The following VTI1A variants were observed in gnomAD, a reference collection of about 807,000 sequenced individuals.
VTI1A encodes the protein vesicle transport through interaction with t-SNAREs homolog 1A.
In VTI1A, 22 loss-of-function variants were observed where a neutral mutation model predicts 34.9. The observed-to-expected ratio is 0.63, with a 90% CI of 0.45 to 0.90. The LOEUF is 0.90. Ranked by LOEUF, VTI1A falls within the 40% of genes least tolerant of loss-of-function variation. VTI1A has a pLI of 0.00. For synonymous variants in VTI1A, 87 were observed against 97.3 expected (o/e 0.89, Z 0.62); for missense variants, 268 against 275.6 (o/e 0.97, Z 0.20).
intron 7 of VTI1A, among the ~76,000 whole-genome samples, chr10:112,763,836 A>G (rs1046935125): frequency 3.3e-5 from 5 of 152,086 alleles, no homozygotes; most frequent in African/African-American, 1.2e-4. Flanking sequence ...GCCCACCACC[A>G]TATAACACGA....
the VTI1A span, among the ~76,000 whole-genome samples, chr10:112,842,051 C>CT: frequency 0.021 from 1,389 of 66,672 alleles, 83 homozygotes; most frequent in Non-Finnish European, 0.024. Context: ...TTTTTTTTTC[C>CT]TTTTTTTTTT....
At position 112,816,895 on chromosome 10, in the gene VTI1A, C is replaced by G. The variant is rs1023646999; in HGVS notation, c.*1512C>G. ...AATCCACCAGAGAAATTGCACTTAT[C>G]GAAACAGGCCAAGGCCTGCATGTGT... On this transcript the variant is annotated 3_prime_UTR_variant, in exon 8 of 8. Transcript: ENST00000393077. The G allele has an allele frequency of 8.7e-6, 2 of 230,286 alleles. No individual in the cohort carries two copies. The highest frequency in any genetic ancestry group is 5.7e-5 in the Admixed American group (1 of 17,678). The allele number at this position is 230,286 out of a possible 1,614,324, so 14.3% of individuals were successfully genotyped here. A position where few individuals can be genotyped will look rare whatever the true frequency, so the allele number is the denominator to read the frequency against.
intron 7 of VTI1A, among the ~76,000 whole-genome samples, chr10:112,719,452 T>C (rs1196584936): frequency 6.6e-6 from 1 of 152,236 alleles, no homozygotes; most frequent in Non-Finnish European, 1.5e-5. Context: ...AGATATAATT[T>C]ATATGTTATA....
chr10:112,600,668 T>C (rs563509686), intron 5 of VTI1A, among the ~76,000 whole-genome samples: 93 of 152,220 alleles, frequency 6.1e-4, no homozygotes, highest in Non-Finnish European at 1.1e-3. Flanking sequence ...TTGTCTTTTC[T>C]TCCCACGAGA....
At chr10:112,761,152 T>G (rs1851451890) in intron 7 of VTI1A, among the ~76,000 whole-genome samples, 1 of 152,168 alleles carries the variant, frequency 6.6e-6, no homozygotes, top group South Asian at 2.1e-4. Flanking sequence ...CCGCTGCTAT[T>G]TAACGAAGTG....
At chr10:112,658,945 C>T (rs1244686678) in intron 5 of VTI1A, among the ~76,000 whole-genome samples, 1 of 152,216 alleles carries the variant, frequency 6.6e-6, no homozygotes, top group Non-Finnish European at 1.5e-5. Context: ...CACGTAAGTC[C>T]TGTGGTCCAC....
chr10:112,784,170 G>A (rs551630261), intron 7 of VTI1A, among the ~76,000 whole-genome samples: 10 of 152,136 alleles, frequency 6.6e-5, no homozygotes, highest in Admixed American at 5.2e-4. Context: ...ACTTTATAAC[G>A]TTCAAATCTT....
intron 7 of VTI1A, among the ~76,000 whole-genome samples, chr10:112,789,139 T>C (rs1852383908): frequency 6.6e-6 from 1 of 152,234 alleles, no homozygotes; most frequent in Non-Finnish European, 1.5e-5. Flanking sequence ...CCAGTGTTCT[T>C]ATTTCCTTCC....
intron 5 of VTI1A, among the ~76,000 whole-genome samples, chr10:112,625,968 G>A (rs1845908413): frequency 6.6e-6 from 1 of 152,162 alleles, no homozygotes; most frequent in Non-Finnish European, 1.5e-5. Context: ...GCACAAAGTG[G>A]TAGATCAACA....
At chr10:112,500,683 T>A (rs80022004) in intron 3 of VTI1A, among the ~76,000 whole-genome samples, 2,569 of 152,298 alleles carry the variant, frequency 0.017, 35 homozygotes, top group Middle Eastern at 0.041. Flanking sequence ...CTGAGTTTGC[T>A]TCTCCTAGAT....
At chr10:112,690,052 A>G (rs1000207776) in intron 7 of VTI1A, among the ~76,000 whole-genome samples, 50 of 152,172 alleles carry the variant, frequency 3.3e-4, no homozygotes, top group Non-Finnish European at 4.6e-4. Flanking sequence ...TTTCATTTGC[A>G]TAGAGCTTTT....
intron 5 of VTI1A, among the ~76,000 whole-genome samples, chr10:112,551,243 CAAAAAAA>C (rs1161935841): frequency 4.5e-5 from 1 of 22,072 alleles, no homozygotes; most frequent in Non-Finnish European, 1.2e-4. Flanking sequence ...TACTCCATCT[CAAAAAAA>C]AAAAAAAAAA....
At chr10:112,584,649 T>G (rs1178384130) in intron 5 of VTI1A, among the ~76,000 whole-genome samples, 2 of 152,208 alleles carry the variant, frequency 1.3e-5, no homozygotes, top group Non-Finnish European at 2.9e-5. Context: ...GCTTCTCAGA[T>G]CAGACATTGA....
chr10:112,820,038 C>T (rs1311687751), downstream of VTI1A, among the ~76,000 whole-genome samples: 1 of 152,330 alleles, frequency 6.6e-6, no homozygotes, highest in Non-Finnish European at 1.5e-5. Flanking sequence ...GACAGATGGT[C>T]CTGCAGGAGC....
chr10:112,627,301 C>T (rs1448826188), intron 5 of VTI1A, among the ~76,000 whole-genome samples: 1 of 152,106 alleles, frequency 6.6e-6, no homozygotes, highest in Non-Finnish European at 1.5e-5. Context: ...AAATACCTTC[C>T]ATTGATCAGT....
chr10:112,481,175 A>G (rs1848447882), intron 3 of VTI1A, among the ~76,000 whole-genome samples: 1 of 152,046 alleles, frequency 6.6e-6, no homozygotes, highest in South Asian at 2.1e-4. Context: ...CTTTAATGTT[A>G]TTGTTTTAAA....
chr10:112,771,121 G>C (rs2134021856), intron 7 of VTI1A, among the ~76,000 whole-genome samples: 1 of 152,316 alleles, frequency 6.6e-6, no homozygotes, highest in South Asian at 2.1e-4. Context: ...CATATGCCCA[G>C]ATTCGAAGTC....
the VTI1A span, among the ~76,000 whole-genome samples, chr10:112,834,148 A>G: frequency 6.6e-6 from 1 of 152,170 alleles, no homozygotes; most frequent in Non-Finnish European, 1.5e-5. Context: ...TGCAGCTCAG[A>G]ACCTGGACAG....
intron 5 of VTI1A, among the ~76,000 whole-genome samples, chr10:112,654,676 G>T (rs1187269864): frequency 1.3e-5 from 2 of 151,998 alleles, no homozygotes; most frequent in Non-Finnish European, 2.9e-5. Flanking sequence ...TGTATTTTTA[G>T]TAGAGACGGG....
Sources: allele counts gnomAD v4.1 joint callset (sites outside exome capture counted in the v4.1 genomes callset), GRCh38; gene constraint gnomAD v4.1.1; transcripts MANE v1.5; gene names NCBI Gene and HGNC (gene_info 2026-07-23, HGNC 2026-07-21).